Variants in LAMA5 observed in about 807,000 individuals in gnomAD.
LAMA5 encodes laminin subunit alpha 5.
In LAMA5, 260 loss-of-function variants were observed where a neutral mutation model predicts 433.4. The ratio of observed to expected loss-of-function variants is 0.60; its 90% CI spans 0.54 to 0.66. The LOEUF is 0.66. Among genes scored for constraint, LAMA5 ranks in the 30% least tolerant of loss-of-function variants. LAMA5 has a pLI of 0.00. For synonymous variants in LAMA5, 2,620 were observed against 2,226.6 expected (o/e 1.18, Z -4.97); for missense variants, 5,378 against 5,258.5 (o/e 1.02, Z -0.70).
At chr20:62,334,764 C>CT (rs1981244843) in intron 20 of LAMA5, 143 bp from the exon 21 acceptor site, 2 of 537,672 alleles carry the variant, frequency 3.7e-6, no homozygotes, top group African/African-American at 2.4e-5. Flanking sequence ...AGGGCGAGGG[C>CT]GAGGGCGAGG....
chr20:62,327,262 G>C lies in LAMA5; in HGVS notation c.5083C>G (p.Gln1695Glu). 9.0e-6 allele frequency: 14 copies of C among 1,548,534 alleles called. No individual in the cohort carries two copies. Among genetic ancestry groups the C allele is most frequent in the Non-Finnish European group, 1.2e-5 (14 of 1,147,780 alleles). Residue 1695 changes from glutamine to glutamate, a missense_variant, in exon 38 of 80, where the codon CAG becomes GAG. By Grantham distance (29) the Gln-to-Glu change is conservative. Coordinates refer to ENST00000252999, the MANE Select transcript of LAMA5 (RefSeq NM_005560.6). ...TCCCCCAGGTAGGAGGGTGGGGCCT[G>C]CCAGTACAGCTCGGGGAAAGCCTCG... ...VPEAFPELYW[Q>E]APPSYLGDRV...
chr20:62,362,562 G>A lies in LAMA5; in HGVS notation c.298-10C>T. Reference sequence around the variant, plus strand: ...TGTCACAGTACTGGCCCTGCAGAGGGAACGGGAGGGTCAGATAGCCGAGAA... The same window carrying A: ...TGTCACAGTACTGGCCCTGCAGAGGAAACGGGAGGGTCAGATAGCCGAGAA... On this transcript the variant is annotated splice_polypyrimidine_tract_variant and intron_variant, in intron 1 of 79. Transcript: ENST00000252999. 2 of 1,528,234 alleles carry A rather than the reference G, an allele frequency of 1.3e-6. No homozygotes were observed. The highest frequency in any genetic ancestry group is 1.2e-5 in the South Asian group (1 of 80,498). The allele number at this position is 1,528,234 out of a possible 1,614,324, so 94.7% of individuals were successfully genotyped here. A position where few individuals can be genotyped will look rare whatever the true frequency, so the allele number is the denominator to read the frequency against.
Position 62,324,235 on chromosome 20 carries a change from T to C in LAMA5, c.5644-31A>G, listed in dbSNP as rs766571021. On this transcript the variant is annotated intron_variant, in intron 42 of 79. Coordinates refer to ENST00000252999, the MANE Select transcript of LAMA5 (RefSeq NM_005560.6). The surrounding 1 kb of genome is among the most constrained non-coding windows in gnomAD (Gnocchi z 4.4). ...GCAGAGTGGACAGTCAGAGCTATGG[T>C]GGACACCCACATCCTACTGCCGAGT... The C allele has an allele frequency of 2.5e-5, 39 of 1,576,722 alleles. No homozygotes were observed. In the Admixed American group the frequency reaches 7.2e-4, roughly 29 times the overall value.
chr20:62,315,212 G>A lies in LAMA5; in HGVS notation c.7868-5C>T, dbSNP rs764797447. ...CGATCTTCTTGCTTGTCTCGTCTGT[G>A]GTGGGCAGAGGGCAGGCTCAGCAGG... On this transcript the variant is annotated splice_region_variant and splice_polypyrimidine_tract_variant and intron_variant, in intron 58 of 79. Coordinates refer to ENST00000252999, the MANE Select transcript of LAMA5 (RefSeq NM_005560.6). 1 of 1,598,766 alleles carries A rather than the reference G, an allele frequency of 6.3e-7. No individual in the cohort carries two copies. The highest frequency in any genetic ancestry group is 1.3e-5 in the African/African-American group (1 of 74,654).
chr20:62,355,037 G>A (rs77994), intron 2 of LAMA5, among the ~76,000 whole-genome samples: 82,956 of 152,172 alleles, frequency 0.55, 25,947 homozygotes, highest in East Asian at 0.74. Flanking sequence ...CTCCCCTGAC[G>A]GGCCCACAGG....
At position 62,310,893 on chromosome 20, in the gene LAMA5, G is replaced by A. The variant is rs1047938469; in HGVS notation, c.10281+9C>T. ...CCTGCCCACCACCTTCCTTCTTCTC[G>A]GCCCTCACCTTGTGCCAGCGGCCAG... On this transcript the variant is annotated intron_variant, in intron 74 of 79. Coordinates refer to ENST00000252999, the MANE Select transcript of LAMA5 (RefSeq NM_005560.6). 1.6e-5 allele frequency: 26 copies of A among 1,609,136 alleles called. No individual in the cohort carries two copies. The highest frequency in any genetic ancestry group is 2.2e-5 in the East Asian group (1 of 44,838).
chr20:62,356,847 G>A (rs1314675923), intron 2 of LAMA5, among the ~76,000 whole-genome samples: 1 of 152,250 alleles, frequency 6.6e-6, no homozygotes, highest in African/African-American at 2.4e-5. Context: ...TGGGAGGGAG[G>A]ACGCCAGCTG....
intron 45 of LAMA5, 81 bp from the exon 46 acceptor site, chr20:62,322,839 T>A: frequency 1.1e-6 from 1 of 886,538 alleles, no homozygotes; most frequent in Non-Finnish European, 1.6e-6. Flanking sequence ...AAGCCCTCAC[T>A]TCACTGCCTC....
At chr20:62,362,646 CCCACTGAGCTGGTT>C (rs1986271065) in intron 1 of LAMA5, 94 bp from the exon 2 acceptor site, 2 of 1,172,268 alleles carry the variant, frequency 1.7e-6, no homozygotes, top group South Asian at 4.0e-5. Flanking sequence ...AAGTCCTGGT[CCCACTGAGCTGGTT>C]CCACGCCCAG....
chr20:62,330,540 G>C lies in LAMA5; in HGVS notation c.3927C>G (p.Ala1309=). Residue 1309 remains alanine (A), a synonymous_variant, in exon 31 of 80, where the codon GCC becomes GCG. Coordinates refer to ENST00000252999, the MANE Select transcript of LAMA5 (RefSeq NM_005560.6). ...GGACTTCCACGGGGAAGGTGGGGTG[G>C]GCTGGCTGGTAGCCGTGCAGCAGGA... ...YAFLLHGYQP[A]HPTFPVEVLI... 6.3e-7 allele frequency: 1 copy of C among 1,582,482 alleles called. No homozygotes were observed. Among genetic ancestry groups the C allele is most frequent in the Non-Finnish European group, 8.6e-7 (1 of 1,165,526 alleles).
rs759232226 is a variant in LAMA5 at position 62,312,439 on chromosome 20, G to C, written c.9321C>G (p.Asn3107Lys). The C allele has an allele frequency of 6.3e-7, 1 of 1,598,052 alleles. No homozygotes were observed. Among genetic ancestry groups the C allele is most frequent in the African/African-American group, 1.3e-5 (1 of 75,036 alleles). ...TGCAGCCGGCGCTCACGCCTGTCGTGTTCAGCCGCTTGAGGTCCACATACT... is the reference window on the plus strand; with the variant it reads ...TGCAGCCGGCGCTCACGCCTGTCGTCTTCAGCCGCTTGAGGTCCACATACT... ...LGKYVDLKRL[N>K]TTGVSAGCTA... The change falls in exon 68 of 80, where the codon AAC becomes AAG. Residue 3107 changes from asparagine (N) to lysine (K), a missense_variant. Asn to Lys is a moderately conservative substitution (Grantham distance 94). Coordinates refer to ENST00000252999, the MANE Select transcript of LAMA5 (RefSeq NM_005560.6).
intron 2 of LAMA5, among the ~76,000 whole-genome samples, chr20:62,360,560 G>GAATA (rs1985954821): frequency 3.9e-5 from 1 of 25,386 alleles, no homozygotes; most frequent in African/African-American, 1.5e-4. Context: ...GTGGGTGGAG[G>GAATA]GATAGATGGG....
Position 62,337,797 on chromosome 20 carries a change from C to A in LAMA5, c.2026+7G>T. 1 of 1,611,796 alleles carries A rather than the reference C, an allele frequency of 6.2e-7. No individual in the cohort carries two copies. On this transcript the variant is annotated splice_region_variant and intron_variant, in intron 15 of 79. Coordinates refer to ENST00000252999, the MANE Select transcript of LAMA5 (RefSeq NM_005560.6). ...GCCTCCCCACCACTTCCTCCCTAGG[C>A]ACTCACGGACACAGCTGGGGAAGCC...
chr20:62,330,441 C>T lies in LAMA5; in HGVS notation c.3979+47G>A, dbSNP rs113460475. 4,183 of 1,482,134 alleles carry T rather than the reference C, an allele frequency of 2.8e-3. 108 individuals are homozygous for T. In the African/African-American group the frequency reaches 0.049, roughly 17 times the overall value. 91.8% of individuals were successfully genotyped at this position (1,482,134 alleles called of 1,614,324 possible). Reference sequence around the variant, plus strand: ...CCACGCTGTGGCGCCGGCATTCCAGCCTCATCGTGTGTGGTAGCCTCTCCA... The same window carrying T: ...CCACGCTGTGGCGCCGGCATTCCAGTCTCATCGTGTGTGGTAGCCTCTCCA... On this transcript the variant is annotated intron_variant, in intron 31 of 79. Coordinates refer to ENST00000252999, the MANE Select transcript of LAMA5 (RefSeq NM_005560.6).
In LAMA5 at chr20:62,335,034, A is replaced by G. The variant is rs1327582704; in HGVS notation, c.2469T>C (p.Tyr823=). 1 of 1,612,822 alleles carries G rather than the reference A, an allele frequency of 6.2e-7. No homozygotes were observed. The highest frequency in any genetic ancestry group is 8.5e-7 in the Non-Finnish European group (1 of 1,179,624). The change falls in exon 20 of 80, where the codon TAT becomes TAC. Residue 823 remains tyrosine (Y), a synonymous_variant. Coordinates refer to ENST00000252999, the MANE Select transcript of LAMA5 (RefSeq NM_005560.6). ...GTGGGCACTCACTGCGGCAGCCAAA[A>G]TAGTCAGCCTGATCCAGTCCAAAGA... ...DGFFGLDQAD[Y]FGCRSCRCDI... is the part of the protein sequence containing the mutation.
In LAMA5 at chr20:62,314,257, A is replaced by C. The variant is rs72487383; in HGVS notation, c.8504+47T>G. ...AGAGGGGAGAGATGGCGAACGGGCA[A>C]GGGCCCTGCAGTTGGAGGCATCCGG... On this transcript the variant is annotated intron_variant, in intron 62 of 79. Transcript: ENST00000252999. 0.31 allele frequency: 497,534 copies of C among 1,587,936 alleles called. 80,181 individuals carry two copies. Among genetic ancestry groups the C allele is most frequent in the Non-Finnish European group, 0.34 (391,713 of 1,166,296 alleles).
chr20:62,321,912 G>T, intron 48 of LAMA5, 107 bp downstream of exon 48: 1 of 1,140,292 alleles, frequency 8.8e-7, no homozygotes, highest in Non-Finnish European at 1.3e-6. Context: ...ATGGAAGGCA[G>T]CTGGGACCAC....
At chr20:62,316,300 A>G (rs1986923799) in intron 57 of LAMA5, 1 of 571,770 alleles carries the variant, frequency 1.7e-6, no homozygotes, top group South Asian at 2.1e-5. Context: ...AGATGAAACA[A>G]TAGAGGCTCA....
chr20:62,312,619 G>T lies in LAMA5; in HGVS notation c.9227+13C>A, dbSNP rs41304653. 1 of 1,603,010 alleles carries T rather than the reference G, an allele frequency of 6.2e-7. No individual in the cohort carries two copies. The highest frequency in any genetic ancestry group is 1.7e-5 in the Admixed American group (1 of 59,006). On this transcript the variant is annotated intron_variant, in intron 67 of 79. Coordinates refer to ENST00000252999, the MANE Select transcript of LAMA5 (RefSeq NM_005560.6). Reference sequence around the variant, plus strand: ...AGCCTGGCCTCGGAGCCCCAGCTGCGCACAGTGCTTACCTCGGGGGCAGCT... The same window carrying T: ...AGCCTGGCCTCGGAGCCCCAGCTGCTCACAGTGCTTACCTCGGGGGCAGCT...
Sources: allele counts gnomAD v4.1 joint callset (sites outside exome capture counted in the v4.1 genomes callset), GRCh38; gene constraint gnomAD v4.1.1; non-coding constraint Gnocchi (gnomAD v3.1); transcripts MANE v1.5; gene names NCBI Gene and HGNC (gene_info 2026-07-23, HGNC 2026-07-21).